MYH9: variants seen among roughly 807,000 people sequenced by gnomAD.
The protein encoded by MYH9 is myosin heavy chain 9.
A neutral mutation model predicts 241.9 loss-of-function variants in MYH9; 29 were observed. The ratio of observed to expected loss-of-function variants is 0.12; its 90% CI spans 0.09 to 0.16. The LOEUF (loss-of-function observed/expected upper bound fraction) is 0.16, where lower values mean the gene tolerates loss of function less well. Ranked by LOEUF, MYH9 falls within the 10% of genes least tolerant of loss-of-function variation. The pLI is 1.00. For synonymous variants in MYH9, 1,047 were observed against 1,062.6 expected (o/e 0.99, Z 0.29); for missense variants, 1,803 against 2,595.5 (o/e 0.69, Z 6.63).
In MYH9 at chr22:36,329,771, G is replaced by A. The variant is rs543757159; in HGVS notation, c.491-2283C>T. Among the ~76,000 whole-genome samples, 2 of 152,306 alleles carry A rather than the reference G, an allele frequency of 1.3e-5. No homozygotes were observed. Among genetic ancestry groups the A allele is most frequent in the South Asian group, 4.1e-4 (2 of 4,826 alleles). On this transcript the variant is annotated intron_variant, in intron 3 of 40. Transcript: ENST00000216181. This position sits in a 1 kb window ranked among gnomAD's most constrained non-coding sequence, Gnocchi z 4.1. ...CACACTCGAGGGCATGCACACAGAGGCGCACGCACGCACAAGGGCATGGAC... is the reference window on the plus strand; with the variant it reads ...CACACTCGAGGGCATGCACACAGAGACGCACGCACGCACAAGGGCATGGAC...
rs144633299 is a variant in MYH9 at position 36,301,637 on chromosome 22, T to C, written c.2528A>G (p.Gln843Arg). ...CTCCTTGGCCATCATCTCCTCCTCC[T>C]GCCGGCTCACCTGCAGCAGCGGCTT... ...KVKPLLQVSR[Q>R]EEEMMAKEEE... The change falls in exon 21 of 41, where the codon CAG becomes CGG. Residue 843 changes from glutamine to arginine, a missense_variant. Physicochemically the swap from Gln to Arg is conservative, Grantham distance 43. Coordinates refer to ENST00000216181, the MANE Select transcript of MYH9 (RefSeq NM_002473.6). 4.3e-6 allele frequency: 7 copies of C among 1,613,876 alleles called. No individual in the cohort carries two copies. Among genetic ancestry groups the C allele is most frequent in the Non-Finnish European group, 4.2e-6 (5 of 1,180,012 alleles).
intron 3 of MYH9, among the ~76,000 whole-genome samples, chr22:36,332,330 G>A (rs952007342): frequency 1.1e-4 from 17 of 152,256 alleles, no homozygotes; most frequent in African/African-American, 3.9e-4. Flanking sequence ...AGCAGAGGCT[G>A]CAGATCTGTG....
rs2016855257 is a variant in MYH9 at position 36,300,234 on chromosome 22, TCTC to T, written c.2866_2868del (p.Glu956del). 2 of 1,613,018 alleles carry T rather than the reference TCTC, an allele frequency of 1.2e-6. No homozygotes were observed. Among genetic ancestry groups the T allele is most frequent in the Admixed American group, 1.7e-5 (1 of 59,988 alleles). On this transcript the variant is annotated inframe_deletion, in exon 23 of 41. Transcript: ENST00000216181. This position sits in a 1 kb window ranked among gnomAD's most constrained non-coding sequence, Gnocchi z 5.0. ...TCCAGCTGCAGCTTCTGCCGGGCGC[TCTC>T]CTCCTCCTCCAGCTGCTCCTCAAGC...
At chr22:36,304,403 T>C (rs1360690099) in intron 18 of MYH9, among the ~76,000 whole-genome samples, 1 of 152,196 alleles carries the variant, frequency 6.6e-6, no homozygotes, top group African/African-American at 2.4e-5. Flanking sequence ...AACTCCCTAC[T>C]CTGCAGCCAA....
At chr22:36,290,515 C>T (rs527577906) in intron 31 of MYH9, among the ~76,000 whole-genome samples, 9 of 152,312 alleles carry the variant, frequency 5.9e-5, no homozygotes, top group Admixed American at 4.6e-4. Context: ...ACCTCCCAGC[C>T]GCCTGCCTTG....
At chr22:36,326,454 C>T (rs1272534819) in intron 5 of MYH9, 114 bp downstream of exon 5, 17 of 1,028,934 alleles carry the variant, frequency 1.7e-5, no homozygotes, top group Non-Finnish European at 2.5e-5. Flanking sequence ...GCCTCTGCTT[C>T]ATTCCCCAAA....
At chr22:36,336,637 G>A (rs2017504329) in intron 3 of MYH9, among the ~76,000 whole-genome samples, 1 of 152,218 alleles carries the variant, frequency 6.6e-6, no homozygotes, top group African/African-American at 2.4e-5. Context: ...GGGGCAGGAG[G>A]GTGAACCGAC....
At chr22:36,344,390 G>C (rs983784956) in intron 2 of MYH9, among the ~76,000 whole-genome samples, 1 of 152,242 alleles carries the variant, frequency 6.6e-6, no homozygotes, top group South Asian at 2.1e-4. Context: ...CTGCACGAAG[G>C]CTCCTGAGGT....
At chr22:36,299,462 GC>G (rs964100541) in intron 23 of MYH9, among the ~76,000 whole-genome samples, 1 of 152,166 alleles carries the variant, frequency 6.6e-6, no homozygotes, top group African/African-American at 2.4e-5. Context: ...GCCCCGCGGT[GC>G]CCCGGGCTGC....
At chr22:36,343,714 G>A (rs1305292444) in intron 2 of MYH9, among the ~76,000 whole-genome samples, 1 of 152,164 alleles carries the variant, frequency 6.6e-6, no homozygotes, top group East Asian at 1.9e-4. Context: ...AAGCTCTGAA[G>A]AAGTGTAAAC....
Position 36,286,800 on chromosome 22 carries a change from G to A in MYH9, c.4979C>T (p.Ser1660Phe). The A allele has an allele frequency of 6.2e-7, 1 of 1,612,162 alleles. No individual in the cohort carries two copies. The highest frequency in any genetic ancestry group is 8.5e-7 in the Non-Finnish European group (1 of 1,180,032). Residue 1660 changes from serine (S) to phenylalanine (F), a missense_variant, in exon 35 of 41, where the codon TCT becomes TTT. By Grantham distance (155) the Ser-to-Phe change is radical. Coordinates refer to ENST00000216181, the MANE Select transcript of MYH9 (RefSeq NM_002473.6). ...GGCCTGGGCCAGGATCTCCTCACGA[G>A]AGGCGCGGGTGTCATCCAGCTCGCG... ...CMRELDDTRA[S>F]REEILAQAKE...
intron 1 of MYH9, among the ~76,000 whole-genome samples, chr22:36,383,695 C>T (rs1471321133): frequency 6.6e-6 from 1 of 151,300 alleles, no homozygotes; most frequent in East Asian, 1.9e-4. Context: ...CGGTGGCTCA[C>T]GCCTGTAATC....
Position 36,349,240 on chromosome 22 carries a change from G to T in MYH9, c.-4C>A. On this transcript the variant is annotated 5_prime_UTR_variant, in exon 2 of 41. Coordinates refer to ENST00000216181, the MANE Select transcript of MYH9 (RefSeq NM_002473.6). ...TATCGGCAGCTTGCTGTGCCATGGT[G>T]ACTTATAGCCAGGACCTAAGCGGGG... 3.7e-6 allele frequency: 6 copies of T among 1,613,922 alleles called. No homozygotes were observed. The highest frequency in any genetic ancestry group is 1.1e-5 in the South Asian group (1 of 91,014).
chr22:36,383,756 G>C (rs1445285864), intron 1 of MYH9, among the ~76,000 whole-genome samples: 1 of 149,320 alleles, frequency 6.7e-6, no homozygotes, highest in South Asian at 2.1e-4. Context: ...TCAGGAGCTC[G>C]AGACCAGCCT....
chr22:36,321,796 T>C lies in MYH9; in HGVS notation c.731A>G (p.Asp244Gly), dbSNP rs1474352622. Residue 244 changes from aspartate (D) to glycine (G), a missense_variant, in exon 7 of 41, where the codon GAT becomes GGT. Asp to Gly is a moderately conservative substitution (Grantham distance 94, BLOSUM62 -1). Transcript: ENST00000216181. ...GGCTCCAACAATGTAGCCATTGACA[T>C]CAAAGTTGATGCGAATGAATTTGCC... ...RFGKFIRINF[D>G]VNGYIVGANI... 1 of 1,614,142 alleles carries C rather than the reference T, an allele frequency of 6.2e-7. No individual in the cohort carries two copies. The highest frequency in any genetic ancestry group is 2.2e-5 in the East Asian group (1 of 44,882).
At chr22:36,327,227 TCCTTCCCACTGGCTCCTTG>T (rs1227675217) in intron 4 of MYH9, among the ~76,000 whole-genome samples, 1 of 152,112 alleles carries the variant, frequency 6.6e-6, no homozygotes, top group Admixed American at 6.5e-5. Flanking sequence ...AGCTCCACCC[TCCTTCCCACTGGCTCCTTG>T]AGGAAGGATG....
At chr22:36,312,763 G>A (rs1354963814) in intron 13 of MYH9, among the ~76,000 whole-genome samples, 2 of 152,200 alleles carry the variant, frequency 1.3e-5, no homozygotes, top group African/African-American at 4.8e-5. Flanking sequence ...AAGCCCAGTG[G>A]GTTCCTATTA....
At position 36,285,756 on chromosome 22, in the gene MYH9, G is replaced by A. The variant is rs375070090; in HGVS notation, c.5176C>T (p.Arg1726Cys). 1.9e-6 allele frequency: 3 copies of A among 1,610,506 alleles called. No homozygotes were observed. Among genetic ancestry groups the A allele is most frequent in the Non-Finnish European group, 1.7e-6 (2 of 1,178,724 alleles). ...AGCTGGGCGATGCGGGCCTCCAGACGCCGCTTCTCCTCTAACGCCAGGGCT... is the reference window on the plus strand; with the variant it reads ...AGCTGGGCGATGCGGGCCTCCAGACACCGCTTCTCCTCTAACGCCAGGGCT... Reference protein sequence around the residue: ...KGALALEEKRRLEARIAQLEE... With the variant: ...KGALALEEKRCLEARIAQLEE... Residue 1726 changes from arginine (R) to cysteine (C), a missense_variant, in exon 37 of 41, where the codon CGT becomes TGT. By Grantham distance (180) the Arg-to-Cys change is radical. Coordinates refer to ENST00000216181, the MANE Select transcript of MYH9 (RefSeq NM_002473.6). This position sits in a 1 kb window ranked among gnomAD's most constrained non-coding sequence, Gnocchi z 7.0.
chr22:36,368,282 GGTA>G (rs2018040486), intron 1 of MYH9, among the ~76,000 whole-genome samples: 1 of 152,198 alleles, frequency 6.6e-6, no homozygotes, highest in African/African-American at 2.4e-5. Context: ...ACTCTTGTGA[GGTA>G]GATTCTAGTG....
Sources: allele counts gnomAD v4.1 joint callset (sites outside exome capture counted in the v4.1 genomes callset), GRCh38; gene constraint gnomAD v4.1.1; non-coding constraint Gnocchi (gnomAD v3.1); transcripts MANE v1.5; gene names NCBI Gene and HGNC (gene_info 2026-07-23, HGNC 2026-07-21).